BCL3: variants seen among roughly 807,000 people sequenced by gnomAD.
BCL3 encodes the protein BCL3 transcription coactivator.
Under a neutral mutation model 35.7 loss-of-function variants are expected in BCL3, and 15 were observed. The ratio of observed to expected loss-of-function variants is 0.42; its 90% confidence interval spans 0.28 to 0.65. The LOEUF is 0.65. BCL3 is among the 30% of genes least tolerant of loss of function. BCL3 has a pLI of 0.22. For missense variants in BCL3, 565 were observed against 641.7 expected, an observed-to-expected ratio of 0.88 and a Z score of 1.29; for synonymous variants, 311 against 284.3, an observed-to-expected ratio of 1.09 and a Z score of -0.95.
rs368327992 is a variant in BCL3, at chr19:44,756,223, C to A, written c.411-9C>A. On this transcript the variant is annotated splice_polypyrimidine_tract_variant and intron_variant, in intron 2 of 8. Coordinates refer to ENST00000164227, the MANE Select transcript of BCL3 (RefSeq NM_005178.5). ...AATGCCTGTGATTCCTTCACTCCCC[C>A]ACCCCCAGGCCTCTCCATATTGCTG... The A allele has an allele frequency of 3.5e-6, 5 of 1,449,098 alleles. No homozygotes were observed. Among genetic ancestry groups the A allele is most frequent in the South Asian group, 1.5e-5 (1 of 68,136 alleles). The allele number at this position is 1,449,098 out of a possible 1,614,324, so 89.8% of individuals were successfully genotyped here.
In BCL3 at chr19:44,751,213, C is replaced by T. The variant is rs1325521787; in HGVS notation, c.257-14C>T. The T allele has an allele frequency of 8.7e-6, 14 of 1,600,264 alleles. No individual in the cohort carries two copies. Among genetic ancestry groups the T allele is most frequent in the South Asian group, 2.2e-5 (2 of 89,116 alleles). On this transcript the variant is annotated splice_polypyrimidine_tract_variant and intron_variant, in intron 1 of 8. Transcript: ENST00000164227. ...GGCCTCACCCATGTCCCTTCTCTGT[C>T]CTCCATTGTCCAGGAGCCTTACTGC...
Position 44,759,928 on chromosome 19 carries a change from ACT to A in BCL3, c.*318_*319del, listed in dbSNP as rs1967394918. 3.0e-6 allele frequency: 1 copy of A among 329,116 alleles called. No individual in the cohort carries two copies. Among genetic ancestry groups the A allele is most frequent in the African/African-American group, 2.1e-5 (1 of 46,878 alleles). The allele number at this position is 329,116 out of a possible 1,614,324, so 20.4% of individuals were successfully genotyped here. Reference sequence around the variant, plus strand: ...ACCCAGGGAACAGCCACTCCCCTCCACTCTCTACCAGATAACTGAGGAGGGGA... The same window carrying A: ...ACCCAGGGAACAGCCACTCCCCTCCACTCTACCAGATAACTGAGGAGGGGA... On this transcript the variant is annotated 3_prime_UTR_variant, in exon 9 of 9. Coordinates refer to ENST00000164227, the MANE Select transcript of BCL3 (RefSeq NM_005178.5).
Position 44,757,292 on chromosome 19 carries a change from G to A in BCL3, c.725-35G>A, listed in dbSNP as rs1479058337. ...GAGTCCATCAGCGGCCGCAAAGCCC[G>A]GGCCTAGGTTTCACCGAGCCCTCCT... is the stretch of plus-strand genomic sequence containing the variant. On this transcript the variant is annotated intron_variant, in intron 4 of 8. Transcript: ENST00000164227. This position sits in a 1 kb window ranked among gnomAD's most constrained non-coding sequence, Gnocchi z 8.4. 6.3e-7 allele frequency: 1 copy of A among 1,575,866 alleles called. No individual in the cohort carries two copies. The highest frequency in any genetic ancestry group is 2.4e-5 in the East Asian group (1 of 42,126).
At chr19:44,749,288 G>C (rs936800727) in intron 1 of BCL3, among the ~76,000 whole-genome samples, 3 of 141,694 alleles carry the variant, frequency 2.1e-5, no homozygotes, top group African/African-American at 8.1e-5. Flanking sequence ...GTGACGTGGG[G>C]GGGGGGGGGC....
intron 3 of BCL3, among the ~76,000 whole-genome samples, 131 bp from the exon 4 acceptor site, chr19:44,756,860 CATGGGGCCCGGACTCTTGAATCTGAG>C (rs1389958993): frequency 1.3e-5 from 2 of 151,704 alleles, no homozygotes; most frequent in Non-Finnish European, 2.9e-5. Context: ...GAAGGAGGAG[CATGGGGCCCGGACTCTTGAATCTGAG>C]ACAGGAGGTG....
chr19:44,754,142 T>TCCA (rs1967235530), intron 2 of BCL3, among the ~76,000 whole-genome samples: 1 of 152,050 alleles, frequency 6.6e-6, no homozygotes, highest in Non-Finnish European at 1.5e-5. Flanking sequence ...GCAAGGTAGT[T>TCCA]TGGGATCCTG....
chr19:44,751,475 A>G, intron 2 of BCL3, 95 bp downstream of exon 2: 1 of 1,302,418 alleles, frequency 7.7e-7, no homozygotes, highest in Admixed American at 3.0e-5. Flanking sequence ...CTGAGTCAGA[A>G]CTCGGTCTCC....
upstream of BCL3, chr19:44,748,060 G>A (rs1224466070): frequency 1.1e-5 from 15 of 1,342,934 alleles, no homozygotes; most frequent in Non-Finnish European, 1.5e-5. Context: ...CCCCGGGTGC[G>A]TCTCTTCACT....
Position 44,751,010 on chromosome 19 carries a change from G to T in BCL3, c.257-217G>T, listed in dbSNP as rs566307042. Among the ~76,000 whole-genome samples, 9 of 152,284 alleles carry T rather than the reference G, an allele frequency of 5.9e-5. 1 individual carries two copies. Among genetic ancestry groups the T allele is most frequent in the South Asian group, 2.1e-4 (1 of 4,822 alleles). On this transcript the variant is annotated intron_variant, in intron 1 of 8. Coordinates refer to ENST00000164227, the MANE Select transcript of BCL3 (RefSeq NM_005178.5). Reference sequence around the variant, plus strand: ...GGTCAGAAGATAAGTGACAATGAGGGTGACCAGCCCTAGAGGGAGAGGAAG... The same window carrying T: ...GGTCAGAAGATAAGTGACAATGAGGTTGACCAGCCCTAGAGGGAGAGGAAG...
chr19:44,752,204 C>CTT (rs914729674), intron 2 of BCL3, among the ~76,000 whole-genome samples: 1 of 138,872 alleles, frequency 7.2e-6, no homozygotes, highest in South Asian at 2.3e-4. Context: ...TTTTCTTTTT[C>CTT]TTTTTTTTTT....
chr19:44,759,714 C>CT lies in BCL3; in HGVS notation c.*99_*100insT. 3 of 654,598 alleles carry CT rather than the reference C, an allele frequency of 4.6e-6. No homozygotes were observed. The highest frequency in any genetic ancestry group is 7.5e-6 in the Non-Finnish European group (3 of 398,192). 40.5% of individuals were successfully genotyped at this position (654,598 alleles called of 1,614,324 possible). A position where few individuals can be genotyped will look rare whatever the true frequency, so the allele number is the denominator to read the frequency against. ...CTGTGAAGATCTCACTCTGCCCCCC[C>CT]CCCCCATCTTCGGGACCAGGATTTG... On this transcript the variant is annotated 3_prime_UTR_variant, in exon 9 of 9. Coordinates refer to ENST00000164227, the MANE Select transcript of BCL3 (RefSeq NM_005178.5).
chr19:44,748,558 C>T (rs1168866484), upstream of BCL3: 6 of 323,990 alleles, frequency 1.9e-5, no homozygotes, highest in Admixed American at 6.3e-5. Context: ...GGGCGGGGCG[C>T]AGGGCAGGCT....
At chr19:44,758,943 C>T (rs1315655469) in intron 8 of BCL3, 102 bp downstream of exon 8, 90 of 1,004,538 alleles carry the variant, frequency 9.0e-5, no homozygotes, top group Non-Finnish European at 1.1e-4. Flanking sequence ...GTCCAGGCCC[C>T]TAGCCTCCTC....
Position 44,749,019 on chromosome 19 carries a change from GC to G in BCL3, c.232del (p.Arg78GlyfsTer27). ...GGTCCCCGGGCCCCCCCACGGCCTGGCCCGGCCGGAGGCGCTTTACTACCCC... is the reference window on the plus strand; with the variant it reads ...GGTCCCCGGGCCCCCCCACGGCCTGGCCGGCCGGAGGCGCTTTACTACCCC... ...PAVPGPPHGL[A>X]RPEALYYPGA... On this transcript the variant is annotated frameshift_variant, in exon 1 of 9. Transcript: ENST00000164227. LOFTEE classifies it high-confidence loss of function. 7.3e-7 allele frequency: 1 copy of G among 1,376,660 alleles called. No homozygotes were observed. 85.3% of individuals were successfully genotyped at this position (1,376,660 alleles called of 1,614,324 possible).
chr19:44,758,600 G>T, intron 7 of BCL3, 124 bp from the exon 8 acceptor site: 1 of 1,255,908 alleles, frequency 8.0e-7, no homozygotes, highest in Non-Finnish European at 1.1e-6. Context: ...GAAAAAAAGT[G>T]CCTTGCCCAT....
At chr19:44,753,837 G>C (rs1250727355) in intron 2 of BCL3, among the ~76,000 whole-genome samples, 1 of 136,368 alleles carries the variant, frequency 7.3e-6, no homozygotes, top group Non-Finnish European at 1.6e-5. Flanking sequence ...GCGGGGGGGG[G>C]GGGTGATGTT....
upstream of BCL3, chr19:44,748,657 G>A: frequency 3.0e-6 from 3 of 1,015,264 alleles, no homozygotes; most frequent in Non-Finnish European, 3.6e-6. Context: ...GGGGAGGCGG[G>A]CGGCCGGCAC....
intron 1 of BCL3, 45 bp downstream of exon 1, chr19:44,749,091 G>A: frequency 9.1e-7 from 1 of 1,104,172 alleles, no homozygotes; most frequent in African/African-American, 1.7e-5. Context: ...TCCACACAGA[G>A]CATAGGGTCA....
chr19:44,748,685 G>T (rs1967114774), upstream of BCL3: 1 of 1,043,430 alleles, frequency 9.6e-7, no homozygotes, highest in African/African-American at 1.7e-5. Flanking sequence ...GCCGACAAAA[G>T]TCCCTTCAGT....
Sources: gnomAD v4.1 joint callset for allele counts (sites outside exome capture counted in the v4.1 genomes callset) on GRCh38, gnomAD v4.1.1 for gene constraint, Gnocchi (gnomAD v3.1) non-coding constraint, MANE v1.5 for transcripts, NCBI Gene and HGNC (gene_info 2026-07-23, HGNC 2026-07-21) for gene names.